Variants in P2RY8 observed in about 807,000 individuals in gnomAD.
P2RY8 encodes P2Y receptor family member 8.
P2RY8 carries 6 observed loss-of-function variants against 10.0 expected under a neutral mutation model. The observed-to-expected ratio is 0.60, with a 90% CI of 0.33 to 1.19. The LOEUF is 1.19. Among genes scored for constraint, P2RY8 ranks in the 50% most tolerant of loss-of-function variants. P2RY8 has a pLI of 0.04. For synonymous variants in P2RY8, 276 were observed against 252.5 expected, an observed-to-expected ratio of 1.09 and a Z score of -0.88; for missense variants, 456 against 542.0, an observed-to-expected ratio of 0.84 and a Z score of 1.58.
intron 1 of P2RY8, among the ~76,000 whole-genome samples, chrX:1,528,916 G>T (rs73186966): frequency 0.097 from 14,817 of 152,098 alleles, 815 homozygotes; most frequent in African/African-American, 0.12. Context: ...AGTGTGGATT[G>T]GAGTCTCTGA....
At chrX:1,530,458 A>G (rs1414619876) in intron 1 of P2RY8, among the ~76,000 whole-genome samples, 1 of 146,950 alleles carries the variant, frequency 6.8e-6, no homozygotes, top group African/African-American at 2.5e-5. Flanking sequence ...CTATTTATCC[A>G]TGTATGTATG....
At chrX:1,534,463 G>A (rs1267753311) in intron 1 of P2RY8, among the ~76,000 whole-genome samples, 1 of 151,938 alleles carries the variant, frequency 6.6e-6, no homozygotes, top group African/African-American at 2.4e-5. Flanking sequence ...TACCTTAACA[G>A]GTGTAGGCAG....
intron 1 of P2RY8, among the ~76,000 whole-genome samples, chrX:1,508,636 C>T (rs1303977148): frequency 6.6e-6 from 1 of 150,680 alleles, no homozygotes; most frequent in African/African-American, 2.4e-5. Flanking sequence ...TGTATCTATC[C>T]ATCTATTCAT....
intron 1 of P2RY8, among the ~76,000 whole-genome samples, chrX:1,467,336 C>T (rs1157204088): frequency 6.6e-6 from 1 of 152,162 alleles, no homozygotes. Flanking sequence ...AAACAGCTTC[C>T]TCAAGCTGGC....
At chrX:1,504,119 C>G (rs1310364003) in intron 1 of P2RY8, among the ~76,000 whole-genome samples, 2 of 151,786 alleles carry the variant, frequency 1.3e-5, no homozygotes, top group African/African-American at 4.8e-5. Context: ...AATTCGAGAC[C>G]AGCCTGTCCA....
intron 1 of P2RY8, among the ~76,000 whole-genome samples, chrX:1,518,232 C>T (rs5948819): frequency 0.89 from 133,603 of 150,750 alleles, 59,337 homozygotes; most frequent in East Asian, 1. Context: ...TCGAGACCAT[C>T]CTGGCCAACA....
chrX:1,533,370 ATATT>A (rs2149417795), intron 1 of P2RY8, among the ~76,000 whole-genome samples: 1 of 147,098 alleles, frequency 6.8e-6, no homozygotes, highest in South Asian at 2.1e-4. Context: ...ACATATTTAC[ATATT>A]TATTATTTAA....
intron 1 of P2RY8, among the ~76,000 whole-genome samples, chrX:1,478,770 T>G (rs6644959): frequency 0.54 from 81,363 of 151,760 alleles, 22,062 homozygotes; most frequent in South Asian, 0.65. Flanking sequence ...GAGCCACTGC[T>G]CCCGGTACAG....
chrX:1,478,237 G>A (rs2091897078), intron 1 of P2RY8, among the ~76,000 whole-genome samples: 1 of 142,244 alleles, frequency 7.0e-6, no homozygotes, highest in South Asian at 2.4e-4. Flanking sequence ...GAAAAATGGT[G>A]CTGGCAGGCG....
intron 1 of P2RY8, among the ~76,000 whole-genome samples, chrX:1,487,008 G>A (rs1452665636): frequency 2.0e-5 from 3 of 152,246 alleles, no homozygotes; most frequent in East Asian, 1.9e-4. Context: ...CACTGGGGCC[G>A]TAGCCAGCCT....
At chrX:1,486,671 C>G in intron 1 of P2RY8, among the ~76,000 whole-genome samples, 1 of 152,204 alleles carries the variant, frequency 6.6e-6, no homozygotes, top group East Asian at 1.9e-4. Context: ...TGTGAAGGTC[C>G]TAAATGTCCC....
At chrX:1,530,194 A>G (rs1255957807) in intron 1 of P2RY8, among the ~76,000 whole-genome samples, 21 of 148,618 alleles carry the variant, frequency 1.4e-4, no homozygotes, top group Non-Finnish European at 1.5e-5. Flanking sequence ...CTATCTATCT[A>G]TCTATCTATC....
At chrX:1,519,833 C>A (rs1372132508) in intron 1 of P2RY8, among the ~76,000 whole-genome samples, 8 of 151,652 alleles carry the variant, frequency 5.3e-5, no homozygotes, top group Admixed American at 2.0e-4. Context: ...ATACTTGGTC[C>A]CTAATAATCT....
rs180744513 is a variant in P2RY8, at chrX:1,482,722, T to A, written c.-24-16140A>T. On this transcript the variant is annotated intron_variant, in intron 1 of 1. Transcript: ENST00000381297. ...TAGTCAGTTTTCCCAGCACCATTTATGAAAATGTGGCACATATACACCATG... is the reference window on the plus strand; with the variant it reads ...TAGTCAGTTTTCCCAGCACCATTTAAGAAAATGTGGCACATATACACCATG... Among the ~76,000 whole-genome samples, 1,317 of 152,248 alleles carry A rather than the reference T, an allele frequency of 8.7e-3. 9 individuals are homozygous for A. The highest frequency in any genetic ancestry group is 0.014 in the Non-Finnish European group (974 of 68,014).
At chrX:1,470,568 G>A (rs1424358510) in intron 1 of P2RY8, among the ~76,000 whole-genome samples, 1 of 151,786 alleles carries the variant, frequency 6.6e-6, no homozygotes, top group Non-Finnish European at 1.5e-5. Flanking sequence ...AATCCTGTTC[G>A]TTCCTGTCCC....
At chrX:1,493,784 CGA>C (rs1221414310) in intron 1 of P2RY8, among the ~76,000 whole-genome samples, 1 of 152,124 alleles carries the variant, frequency 6.6e-6, no homozygotes, top group East Asian at 1.9e-4. Context: ...ACGGACAAGA[CGA>C]TTTTGCTCTT....
intron 1 of P2RY8, among the ~76,000 whole-genome samples, chrX:1,522,704 G>C (rs1411348047): frequency 3.4e-4 from 51 of 152,028 alleles, no homozygotes; most frequent in East Asian, 2.7e-3. Flanking sequence ...CCAGGAGTTA[G>C]AGGCTGCAGT....
chrX:1,500,027 T>G (rs2092160833), intron 1 of P2RY8, among the ~76,000 whole-genome samples: 2 of 80,322 alleles, frequency 2.5e-5, no homozygotes, highest in Non-Finnish European at 7.3e-5. Context: ...CCCAGCTAAT[T>G]TTTTGTATTT....
intron 1 of P2RY8, among the ~76,000 whole-genome samples, chrX:1,472,986 G>C: frequency 8.5e-6 from 1 of 117,636 alleles, no homozygotes; most frequent in South Asian, 3.1e-4. Flanking sequence ...ATGGATGGGG[G>C]TGGGTGGGAG....
Sources: gnomAD v4.1 joint callset for allele counts (sites outside exome capture counted in the v4.1 genomes callset) on GRCh38, gnomAD v4.1.1 for gene constraint, MANE v1.5 for transcripts, NCBI Gene and HGNC (gene_info 2026-07-23, HGNC 2026-07-21) for gene names.